DPP10: variants seen among roughly 807,000 people sequenced by gnomAD.
The protein encoded by DPP10 is inactive dipeptidyl peptidase 10.
In DPP10, 33 loss-of-function variants were observed where a neutral mutation model predicts 120.9. The ratio of observed to expected loss-of-function variants is 0.27; its 90% CI spans 0.21 to 0.37. DPP10 has a LOEUF of 0.37. Ranked by LOEUF, DPP10 falls within the 10% of genes least tolerant of loss-of-function variation. The probability of loss-of-function intolerance (pLI) is 1.00; values close to 1 mark genes in which losing one functional copy is unlikely to be tolerated. For missense variants in DPP10, 816 were observed against 942.8 expected, an observed-to-expected ratio of 0.87 and a Z score of 1.76; for synonymous variants, 337 against 326.1, an observed-to-expected ratio of 1.03 and a Z score of -0.36.
At chr2:115,184,059 C>T (rs1245823447) in intron 1 of DPP10, among the ~76,000 whole-genome samples, 2 of 152,072 alleles carry the variant, frequency 1.3e-5, no homozygotes, top group Non-Finnish European at 2.9e-5. Flanking sequence ...TCTTTGGACT[C>T]GCAGCCCAGA....
At chr2:114,804,715 G>A (rs1380311580) in intron 1 of DPP10, among the ~76,000 whole-genome samples, 3 of 152,110 alleles carry the variant, frequency 2.0e-5, no homozygotes, top group Admixed American at 1.3e-4. Context: ...ATACCCCATC[G>A]TAACTAGGAA....
chr2:115,672,552 A>G (rs893510502), intron 5 of DPP10, among the ~76,000 whole-genome samples: 1 of 152,114 alleles, frequency 6.6e-6, no homozygotes, highest in Non-Finnish European at 1.5e-5. Context: ...TAACTACAAC[A>G]TTTAAAAATT....
intron 1 of DPP10, among the ~76,000 whole-genome samples, chr2:114,456,535 A>G (rs1008801839): frequency 2.0e-5 from 3 of 152,236 alleles, no homozygotes; most frequent in Non-Finnish European, 2.9e-5. Context: ...TTGAATGTCA[A>G]CCACAGTCCT....
chr2:114,841,162 C>T (rs1688126649), intron 1 of DPP10, among the ~76,000 whole-genome samples: 1 of 152,006 alleles, frequency 6.6e-6, no homozygotes, highest in South Asian at 2.1e-4. Context: ...TAGTTGCACA[C>T]CAAAAAGGGA....
chr2:114,706,025 G>T (rs1700665894), intron 1 of DPP10, among the ~76,000 whole-genome samples: 1 of 152,192 alleles, frequency 6.6e-6, no homozygotes, highest in African/African-American at 2.4e-5. Context: ...GGTTTATGGA[G>T]TTAACTATGC....
chr2:115,525,419 TGG>T (rs1179149063), intron 4 of DPP10, among the ~76,000 whole-genome samples: 1 of 152,110 alleles, frequency 6.6e-6, no homozygotes, highest in African/African-American at 2.4e-5. Context: ...TGTTTCACCC[TGG>T]GGATTTCCTT....
intron 1 of DPP10, among the ~76,000 whole-genome samples, chr2:114,863,601 C>A (rs1689995869): frequency 1.3e-5 from 2 of 152,190 alleles, no homozygotes; most frequent in Middle Eastern, 3.4e-3. Context: ...GCTGCAAACT[C>A]GTAGAGGCAG....
In DPP10 at chr2:114,522,756, T is replaced by C. The variant is rs537808009; in HGVS notation, c.60+79918T>C. Among the ~76,000 whole-genome samples, 5 of 152,280 alleles carry C rather than the reference T, an allele frequency of 3.3e-5. No individual in the cohort carries two copies. In the East Asian group the frequency reaches 5.8e-4, roughly 18 times the overall value. ...GGTTTAATAGACTTACAGTTCCACG[T>C]GGCTGGGGAGGCCTCACAATCACGG... On this transcript the variant is annotated intron_variant, in intron 1 of 25. Coordinates refer to ENST00000410059, the MANE Select transcript of DPP10 (RefSeq NM_020868.6).
chr2:114,685,274 C>A (rs1354527025), intron 1 of DPP10, among the ~76,000 whole-genome samples: 1 of 151,926 alleles, frequency 6.6e-6, no homozygotes, highest in African/African-American at 2.4e-5. Flanking sequence ...AGAAAAACAA[C>A]AACAAACAAC....
At chr2:114,878,222 C>G (rs904941341) in intron 1 of DPP10, among the ~76,000 whole-genome samples, 1 of 152,000 alleles carries the variant, frequency 6.6e-6, no homozygotes, top group Admixed American at 6.6e-5. Flanking sequence ...TTATTTAAGA[C>G]AGTTGAGCTC....
chr2:115,474,819 A>G (rs2074970241), intron 3 of DPP10, among the ~76,000 whole-genome samples: 1 of 152,108 alleles, frequency 6.6e-6, no homozygotes, highest in East Asian at 1.9e-4. Context: ...ACTAATAGCC[A>G]AGACAATGGG....
At chr2:115,686,327 G>A (rs2090987612) in intron 5 of DPP10, among the ~76,000 whole-genome samples, 1 of 151,986 alleles carries the variant, frequency 6.6e-6, no homozygotes, top group Non-Finnish European at 1.5e-5. Flanking sequence ...GAGTTATAGT[G>A]TTGTTGGCTA....
At chr2:115,159,945 C>G (rs185170906) in intron 1 of DPP10, among the ~76,000 whole-genome samples, 6 of 152,264 alleles carry the variant, frequency 3.9e-5, no homozygotes, top group Non-Finnish European at 7.4e-5. Flanking sequence ...TCCTTCAACT[C>G]AAGCAGATTG....
chr2:115,797,788 C>A (rs1269194336), intron 19 of DPP10, among the ~76,000 whole-genome samples: 1 of 151,884 alleles, frequency 6.6e-6, no homozygotes, highest in Admixed American at 6.6e-5. Flanking sequence ...GCATTAACTT[C>A]TTACCACTAT....
intron 1 of DPP10, among the ~76,000 whole-genome samples, chr2:115,029,015 CTG>C (rs1463051147): frequency 6.6e-6 from 1 of 152,000 alleles, no homozygotes; most frequent in Non-Finnish European, 1.5e-5. Flanking sequence ...GTTAATCACT[CTG>C]TGTATTTTTA....
At chr2:115,439,683 G>C (rs1360490669) in intron 3 of DPP10, among the ~76,000 whole-genome samples, 1 of 152,012 alleles carries the variant, frequency 6.6e-6, no homozygotes, top group Admixed American at 6.6e-5. Context: ...ATGTGGCAGT[G>C]GTTAGAAACA....
intron 1 of DPP10, among the ~76,000 whole-genome samples, chr2:115,172,958 A>C (rs987748381): frequency 6.6e-6 from 1 of 152,212 alleles, no homozygotes; most frequent in Non-Finnish European, 1.5e-5. Flanking sequence ...CTGACTCCAA[A>C]GCAAACATGG....
chr2:114,497,114 C>T (rs1684339851), intron 1 of DPP10, among the ~76,000 whole-genome samples: 1 of 146,726 alleles, frequency 6.8e-6, no homozygotes, highest in Non-Finnish European at 1.5e-5. Context: ...TGTACGTATA[C>T]ATGCACACGT....
intron 1 of DPP10, among the ~76,000 whole-genome samples, chr2:115,036,168 T>A (rs1704213762): frequency 6.6e-6 from 1 of 151,880 alleles, no homozygotes; most frequent in Non-Finnish European, 1.5e-5. Context: ...CAGGACAGAG[T>A]AAGTGCAAAG....
Sources: gnomAD v4.1 joint callset for allele counts (sites outside exome capture counted in the v4.1 genomes callset) on GRCh38, gnomAD v4.1.1 for gene constraint, MANE v1.5 for transcripts, NCBI Gene and HGNC (gene_info 2026-07-23, HGNC 2026-07-21) for gene names.